GRM5: variants seen among roughly 807,000 people sequenced by gnomAD.
GRM5 encodes the protein glutamate metabotropic receptor 5.
Under a neutral mutation model 83.1 loss-of-function variants are expected in GRM5, and 19 were observed. That is an observed-to-expected ratio of 0.23 (90% CI 0.16 to 0.34). The LOEUF is 0.34. Among genes scored for constraint, GRM5 ranks in the 10% least tolerant of loss-of-function variants. The pLI is 1.00. For synonymous variants in GRM5, 675 were observed against 633.6 expected, an observed-to-expected ratio of 1.07 and a Z score of -0.98; for missense variants, 1,160 against 1,588.3, an observed-to-expected ratio of 0.73 and a Z score of 4.58.
chr11:88,680,000 A>G (rs1364584781), intron 3 of GRM5, among the ~76,000 whole-genome samples: 1 of 152,124 alleles, frequency 6.6e-6, no homozygotes, highest in East Asian at 1.9e-4. Context: ...ATTCTCTTAC[A>G]CCAAATGTAG....
rs1184115837 is a variant in GRM5 at position 88,941,475 on chromosome 11, G to A, written c.662-91320C>T. Among the ~76,000 whole-genome samples the A allele has an allele frequency of 5.3e-3, 501 of 93,664 alleles. 3 individuals are homozygous for A. The highest frequency in any genetic ancestry group is 0.024 in the African/African-American group (436 of 18,090). The allele number at this position is 93,664 out of a possible 152,430, so 61.4% of individuals were successfully genotyped here. A position where few individuals can be genotyped will look rare whatever the true frequency, so the allele number is the denominator to read the frequency against. The stretch of plus-strand genomic sequence containing the variant: ...GGGAGAAGAGAAGAGAAGAGAAGAG[G>A]GGAGGGGAGAGGAGGGGAGAGGAGG... On this transcript the variant is annotated intron_variant, in intron 2 of 9. Transcript: ENST00000305447.
chr11:88,791,535 A>G (rs747640050), intron 3 of GRM5, among the ~76,000 whole-genome samples: 1 of 152,132 alleles, frequency 6.6e-6, no homozygotes, highest in African/African-American at 2.4e-5. Flanking sequence ...CTGACACATA[A>G]TAAGGATGCA....
intron 8 of GRM5, among the ~76,000 whole-genome samples, chr11:88,525,630 C>G (rs1456999151): frequency 6.6e-6 from 1 of 152,046 alleles, no homozygotes; most frequent in Non-Finnish European, 1.5e-5. Flanking sequence ...CACATGTAAC[C>G]CATTCTTTCA....
intron 2 of GRM5, among the ~76,000 whole-genome samples, chr11:88,918,796 G>C (rs11499687): frequency 0.029 from 4,433 of 151,858 alleles, 208 homozygotes; most frequent in African/African-American, 0.1. Context: ...CTTTGTTTTT[G>C]CAATCAGAGT....
At chr11:88,525,449 T>C (rs1304128512) in intron 8 of GRM5, 45 bp from the exon 9 acceptor site, 1 of 1,204,810 alleles carries the variant, frequency 8.3e-7, no homozygotes, top group East Asian at 2.3e-5. Flanking sequence ...AAGACGTGAT[T>C]GTGTGCTTAA....
At chr11:88,894,652 G>A (rs1945201948) in intron 2 of GRM5, among the ~76,000 whole-genome samples, 1 of 115,118 alleles carries the variant, frequency 8.7e-6, no homozygotes, top group Non-Finnish European at 1.8e-5. Context: ...TATCTTCACT[G>A]CTTGTTTGTT....
At chr11:89,001,927 A>T (rs1591037945) in intron 2 of GRM5, among the ~76,000 whole-genome samples, 1 of 152,232 alleles carries the variant, frequency 6.6e-6, no homozygotes, top group East Asian at 1.9e-4. Context: ...ACTAAATCTT[A>T]TTTGTTCTTA....
intron 2 of GRM5, among the ~76,000 whole-genome samples, chr11:88,974,392 G>GATAGATAGATAC (rs1939262518): frequency 6.6e-6 from 1 of 151,786 alleles, no homozygotes; most frequent in African/African-American, 2.4e-5. Flanking sequence ...TAGATAGATA[G>GATAGATAGATAC]ATAGATAGAT....
chr11:88,561,066 A>G (rs1277826254), intron 8 of GRM5, among the ~76,000 whole-genome samples: 2 of 152,170 alleles, frequency 1.3e-5, no homozygotes. Flanking sequence ...ACTCTAAAGA[A>G]CGAGAAATAG....
At chr11:88,858,963 A>T (rs1219757127) in intron 2 of GRM5, among the ~76,000 whole-genome samples, 5 of 152,050 alleles carry the variant, frequency 3.3e-5, no homozygotes, top group African/African-American at 1.2e-4. Context: ...ACCCTAAAGA[A>T]TTCAAATATG....
intron 2 of GRM5, among the ~76,000 whole-genome samples, chr11:88,955,472 T>C (rs1216031281): frequency 6.6e-6 from 1 of 152,206 alleles, no homozygotes; most frequent in East Asian, 1.9e-4. Context: ...ATAATAAAAC[T>C]CATGTAATTA....
At chr11:88,622,409 G>A (rs988744053) in intron 4 of GRM5, among the ~76,000 whole-genome samples, 6 of 152,136 alleles carry the variant, frequency 3.9e-5, no homozygotes, top group African/African-American at 9.7e-5. Flanking sequence ...TACCTAAAAC[G>A]AACATTTTCT....
intron 9 of GRM5, among the ~76,000 whole-genome samples, chr11:88,515,155 T>G (rs1482377255): frequency 6.6e-6 from 1 of 152,152 alleles, no homozygotes; most frequent in Non-Finnish European, 1.5e-5. Context: ...CTACTTCCCC[T>G]GAGTCCTCAT....
intron 3 of GRM5, among the ~76,000 whole-genome samples, chr11:88,780,178 A>G (rs920951755): frequency 4.6e-5 from 7 of 152,164 alleles, no homozygotes; most frequent in African/African-American, 1.4e-4. Context: ...TTGTACAATC[A>G]TATCCTTAAT....
At chr11:88,571,080 AT>A (rs748475170) in intron 7 of GRM5, among the ~76,000 whole-genome samples, 2 of 152,088 alleles carry the variant, frequency 1.3e-5, no homozygotes, top group South Asian at 4.1e-4. Flanking sequence ...TAAACACTTA[AT>A]TTTACCCCAG....
intron 3 of GRM5, among the ~76,000 whole-genome samples, chr11:88,730,454 G>T (rs1209284714): frequency 2.0e-5 from 3 of 152,166 alleles, no homozygotes; most frequent in African/African-American, 4.8e-5. Flanking sequence ...GTGGAAGACA[G>T]TGTGGCAATT....
rs530324648 is a variant in GRM5, at chr11:88,852,786, G to GGAGACAAA, written c.662-2639_662-2632dup. 2.9e-4 allele frequency among the ~76,000 whole-genome samples: 44 copies of GGAGACAAA among 152,050 alleles called. No individual in the cohort carries two copies. The South Asian group carries it at 8.9e-3, about 31-fold the overall frequency. ...AACAAAAGAAATCCTTTGTAAGCTG[G>GGAGACAAA]GAGACAAAGAGAATATGTCTTCCAA... On this transcript the variant is annotated intron_variant, in intron 2 of 9. Coordinates refer to ENST00000305447, the MANE Select transcript of GRM5 (RefSeq NM_001143831.3).
At chr11:88,560,639 C>T (rs1942732850) in intron 8 of GRM5, among the ~76,000 whole-genome samples, 1 of 152,138 alleles carries the variant, frequency 6.6e-6, no homozygotes, top group Admixed American at 6.6e-5. Context: ...ACTCTGAAGG[C>T]AGTGTGAGCT....
chr11:88,887,939 G>A (rs1945073730), intron 2 of GRM5, among the ~76,000 whole-genome samples: 1 of 152,050 alleles, frequency 6.6e-6, no homozygotes, highest in African/African-American at 2.4e-5. Context: ...AATGAGAAAA[G>A]CAACTTCCAG....
Sources: gnomAD v4.1 joint callset for allele counts (sites outside exome capture counted in the v4.1 genomes callset) on GRCh38, gnomAD v4.1.1 for gene constraint, MANE v1.5 for transcripts, NCBI Gene and HGNC (gene_info 2026-07-23, HGNC 2026-07-21) for gene names.